GCC2: variants seen among roughly 807,000 people sequenced by gnomAD.
The protein encoded by GCC2 is GRIP and coiled-coil domain-containing protein 2.
A neutral mutation model predicts 210.6 loss-of-function variants in GCC2; 120 were observed. That is an observed-to-expected ratio of 0.57 (90% CI 0.49 to 0.66). GCC2 has a LOEUF of 0.66. Ranked by LOEUF, GCC2 falls within the 30% of genes least tolerant of loss-of-function variation. The probability of loss-of-function intolerance (pLI) is 0.00; values close to 1 mark genes in which losing one functional copy is unlikely to be tolerated. For synonymous variants in GCC2, 703 were observed against 652.7 expected, an observed-to-expected ratio of 1.08 and a Z score of -1.17; for missense variants, 1,868 against 1,871.9, an observed-to-expected ratio of 1.00 and a Z score of 0.04.
intron 22 of GCC2, among the ~76,000 whole-genome samples, chr2:108,503,320 T>C (rs1343882114): frequency 1.3e-5 from 2 of 152,172 alleles, no homozygotes; most frequent in Admixed American, 6.5e-5. Context: ...TCTCATGTAC[T>C]AAAAGAAATA....
At chr2:108,497,203 A>C (rs1573232903) in intron 21 of GCC2, 94 bp downstream of exon 21, 1 of 1,596,030 alleles carries the variant, frequency 6.3e-7, no homozygotes, top group Non-Finnish European at 8.6e-7. Context: ...TGCAAGCTCC[A>C]CCTCCCAGGT....
intron 12 of GCC2, among the ~76,000 whole-genome samples, chr2:108,483,657 T>C (rs1013732977): frequency 4.6e-5 from 7 of 152,252 alleles, no homozygotes; most frequent in Non-Finnish European, 7.3e-5. Flanking sequence ...GTACCAGTCC[T>C]TTCAGAAGAA....
chr2:108,489,180 T>G (rs1447323638), intron 17 of GCC2, among the ~76,000 whole-genome samples: 1 of 152,248 alleles, frequency 6.6e-6, no homozygotes, highest in Non-Finnish European at 1.5e-5. Context: ...TCTTTCACTG[T>G]AACTTGGTCT....
intron 9 of GCC2, among the ~76,000 whole-genome samples, chr2:108,479,726 G>A (rs1440037853): frequency 7.9e-5 from 12 of 152,028 alleles, no homozygotes; most frequent in Non-Finnish European, 5.9e-5. Flanking sequence ...GCTCATGCCT[G>A]TAATTCCAAC....
intron 4 of GCC2, among the ~76,000 whole-genome samples, chr2:108,453,692 C>T (rs559309622): frequency 5.9e-5 from 9 of 151,350 alleles, no homozygotes; most frequent in Non-Finnish European, 1.2e-4. Flanking sequence ...GGCTGAGGCA[C>T]GAGGATTGCT....
chr2:108,458,087 A>G (rs1035562229), intron 4 of GCC2, among the ~76,000 whole-genome samples: 3 of 152,174 alleles, frequency 2.0e-5, no homozygotes, highest in African/African-American at 7.2e-5. Context: ...ATTTTGAGGT[A>G]TAATCCTTCT....
intron 4 of GCC2, among the ~76,000 whole-genome samples, chr2:108,460,449 G>T (rs1413941084): frequency 6.6e-6 from 1 of 152,010 alleles, no homozygotes; most frequent in African/African-American, 2.4e-5. Flanking sequence ...CTTATTGTTT[G>T]TTATAGTGGT....
At position 108,471,135 on chromosome 2, in the gene GCC2, A is replaced by G; in HGVS notation, c.1806A>G (p.Lys602=). Reference sequence around the variant, plus strand: ...AGGAAAAAGATGATTTTATAAATAAACTGAAAAATTCCCATGAAGAAATGG... The same window carrying G: ...AGGAAAAAGATGATTTTATAAATAAGCTGAAAAATTCCCATGAAGAAATGG... ...LTEEKDDFIN[K]LKNSHEEMDN... The change falls in exon 6 of 23, where the codon AAA becomes AAG. Residue 602 remains lysine (K), a synonymous_variant. Coordinates refer to ENST00000309863, the MANE Select transcript of GCC2 (RefSeq NM_181453.4). 6.3e-7 allele frequency: 1 copy of G among 1,587,534 alleles called. No homozygotes were observed. The highest frequency in any genetic ancestry group is 8.6e-7 in the Non-Finnish European group (1 of 1,160,790).
chr2:108,455,885 T>C (rs997574200), intron 4 of GCC2, among the ~76,000 whole-genome samples: 5 of 152,246 alleles, frequency 3.3e-5, no homozygotes, highest in Non-Finnish European at 2.9e-5. Flanking sequence ...CACAGGAGTG[T>C]ATATATCCCT....
intron 22 of GCC2, among the ~76,000 whole-genome samples, chr2:108,500,355 A>T (rs910667187): frequency 8.5e-5 from 13 of 152,266 alleles, no homozygotes; most frequent in African/African-American, 2.6e-4. Flanking sequence ...TCTACTAAAA[A>T]TACAAAAATT....
chr2:108,502,735 C>A (rs1362741267), intron 22 of GCC2, among the ~76,000 whole-genome samples: 4 of 152,050 alleles, frequency 2.6e-5, no homozygotes, highest in South Asian at 4.2e-4. Context: ...CCAGCCTGGC[C>A]AACATGGTGA....
chr2:108,501,487 A>G (rs1308960783), intron 22 of GCC2, among the ~76,000 whole-genome samples: 1 of 152,076 alleles, frequency 6.6e-6, no homozygotes, highest in Non-Finnish European at 1.5e-5. Flanking sequence ...AAAACACATC[A>G]TAGATGGTAT....
intron 6 of GCC2, 58 bp downstream of exon 6, chr2:108,472,174 T>C (rs1227312020): frequency 2.6e-5 from 31 of 1,198,452 alleles, no homozygotes; most frequent in Middle Eastern, 2.9e-4. Flanking sequence ...CTCTACAATA[T>C]ATACGTTAAA....
At chr2:108,500,695 T>G (rs2104513666) in intron 22 of GCC2, among the ~76,000 whole-genome samples, 1 of 152,330 alleles carries the variant, frequency 6.6e-6, no homozygotes, top group African/African-American at 2.4e-5. Flanking sequence ...TTTAAATTAC[T>G]TTTATTTTTG....
Position 108,484,182 on chromosome 2 carries a change from A to G in GCC2, c.3484A>G (p.Ile1162Val), listed in dbSNP as rs1682012698. The change falls in exon 13 of 23, where the codon ATA becomes GTA. Residue 1162 changes from isoleucine (I) to valine (V), a missense_variant. Physicochemically the swap from Ile to Val is conservative, Grantham distance 29. Transcript: ENST00000309863. ...ACAAACCACATTGATGAATATGGAAATAGCTGATTATGAACGTTTGATGAA... is the reference window on the plus strand; with the variant it reads ...ACAAACCACATTGATGAATATGGAAGTAGCTGATTATGAACGTTTGATGAA... ...AQQTTLMNME[I>V]ADYERLMKEL... The G allele has an allele frequency of 1.9e-6, 3 of 1,590,800 alleles. No homozygotes were observed. The highest frequency in any genetic ancestry group is 2.6e-6 in the Non-Finnish European group (3 of 1,172,292).
chr2:108,503,381 T>C (rs1446982042), intron 22 of GCC2, among the ~76,000 whole-genome samples: 1 of 152,256 alleles, frequency 6.6e-6, no homozygotes, highest in African/African-American at 2.4e-5. Flanking sequence ...ACAAAAACTT[T>C]AAGAATCTGC....
At chr2:108,482,050 G>GTTT (rs1681887026) in intron 10 of GCC2, among the ~76,000 whole-genome samples, 2 of 152,044 alleles carry the variant, frequency 1.3e-5, no homozygotes, top group Admixed American at 6.5e-5. Context: ...GGGTTTGTTT[G>GTTT]TTTTTCGTTT....
intron 9 of GCC2, among the ~76,000 whole-genome samples, chr2:108,476,208 C>A (rs770908606): frequency 4.0e-5 from 6 of 151,746 alleles, no homozygotes; most frequent in African/African-American, 1.5e-4. Flanking sequence ...TACAGGTGCG[C>A]GCCACCATGC....
At position 108,471,023 on chromosome 2, in the gene GCC2, A is replaced by G; in HGVS notation, c.1694A>G (p.Gln565Arg). 1.2e-6 allele frequency: 2 copies of G among 1,610,762 alleles called. No individual in the cohort carries two copies. The highest frequency in any genetic ancestry group is 1.7e-6 in the Non-Finnish European group (2 of 1,177,534). ...PELENTIKNL[Q>R]EKNGVYLLSL... ...CTTGAAAATACCATAAAGAACCTTC[A>G]AGAAAAGAATGGAGTATACTTACTT... is the stretch of plus-strand genomic sequence containing the variant. The change falls in exon 6 of 23, where the codon CAA becomes CGA. Residue 565 changes from glutamine (Q) to arginine (R), a missense_variant. Coordinates refer to ENST00000309863, the MANE Select transcript of GCC2 (RefSeq NM_181453.4).
Sources: allele counts gnomAD v4.1 joint callset (sites outside exome capture counted in the v4.1 genomes callset), GRCh38; gene constraint gnomAD v4.1.1; transcripts MANE v1.5; gene names NCBI Gene and HGNC (gene_info 2026-07-23, HGNC 2026-07-21).